SPOP: variants seen among roughly 807,000 people sequenced by gnomAD.
SPOP encodes speckle type BTB/POZ protein.
SPOP carries 11 observed loss-of-function variants against 45.6 expected under a neutral mutation model. The observed-to-expected ratio is 0.24, with a 90% CI of 0.15 to 0.40. SPOP has a LOEUF of 0.40. Ranked by LOEUF, SPOP falls within the 10% of genes least tolerant of loss-of-function variation. The pLI, the probability that SPOP is intolerant of heterozygous loss-of-function variation, is 1.00. For missense variants in SPOP, 152 were observed against 465.6 expected (o/e 0.33, Z 6.20); for synonymous variants, 166 against 166.3 (o/e 1.00, Z 0.01).
At chr17:49,665,649 G>GACACACACACACACAC (rs71352530) in intron 1 of SPOP, among the ~76,000 whole-genome samples, 1,668 of 126,752 alleles carry the variant, frequency 0.013, 37 homozygotes, top group Admixed American at 0.017. Context: ...TATATATACA[G>GACACACACACACACAC]ACACACACAC....
At chr17:49,612,873 T>C (rs2072003421) in intron 5 of SPOP, 1 of 152,182 alleles carries the variant, frequency 6.6e-6, no homozygotes. Context: ...CTTTTAACCT[T>C]CAAGATGCAA....
At chr17:49,611,245 C>T (rs762986233) in intron 6 of SPOP, 35 bp downstream of exon 6, 35 of 1,588,012 alleles carry the variant, frequency 2.2e-5, no homozygotes, top group Non-Finnish European at 3.0e-5. Context: ...CTTATTTCAC[C>T]AAAACTATAA....
intron 5 of SPOP, among the ~76,000 whole-genome samples, chr17:49,613,642 T>A (rs1427332617): frequency 6.6e-6 from 1 of 152,224 alleles, no homozygotes; most frequent in Non-Finnish European, 1.5e-5. Context: ...AAAGAGAATG[T>A]ACCTTTATTG....
rs2073226776 is a variant in SPOP, at chr17:49,677,934, T to A, written c.-68A>T. 2 of 108,006 alleles carry A rather than the reference T, an allele frequency of 1.9e-5. No individual in the cohort carries two copies. Among genetic ancestry groups the A allele is most frequent in the Non-Finnish European group, 1.7e-5 (1 of 60,398 alleles). 6.7% of individuals were successfully genotyped at this position (108,006 alleles called of 1,614,324 possible). A position where few individuals can be genotyped will look rare whatever the true frequency, so the allele number is the denominator to read the frequency against. Reference sequence around the variant, plus strand: ...CTCGACTCTCCTCCCCCCACTCACCTGAGAGCGGCGGCGACAGCTGCTGGT... The same window carrying A: ...CTCGACTCTCCTCCCCCCACTCACCAGAGAGCGGCGGCGACAGCTGCTGGT... On this transcript the variant is annotated splice_region_variant and 5_prime_UTR_variant, in exon 1 of 10. Transcript: ENST00000504102.
chr17:49,616,817 G>A (rs995501109), intron 5 of SPOP, among the ~76,000 whole-genome samples: 2 of 152,216 alleles, frequency 1.3e-5, no homozygotes, highest in Non-Finnish European at 2.9e-5. Flanking sequence ...GAAACCGATG[G>A]CATCAGCAGA....
intron 1 of SPOP, among the ~76,000 whole-genome samples, chr17:49,647,685 T>A (rs1433740218): frequency 2.6e-5 from 4 of 152,162 alleles, no homozygotes; most frequent in African/African-American, 9.7e-5. Context: ...TTCACAGTGT[T>A]GGCCAGGCTG....
At chr17:49,656,938 T>C (rs764193113) in intron 1 of SPOP, among the ~76,000 whole-genome samples, 23 of 152,026 alleles carry the variant, frequency 1.5e-4, no homozygotes, top group Non-Finnish European at 2.5e-4. Flanking sequence ...TCCCAGCACT[T>C]TGGGAGGCCG....
At chr17:49,622,909 T>C in intron 1 of SPOP, 33 bp from the exon 2 acceptor site, 1 of 983,858 alleles carries the variant, frequency 1.0e-6, no homozygotes, top group Non-Finnish European at 1.6e-6. Context: ...AAAACTTTAT[T>C]AGATTATTAA....
chr17:49,677,354 C>T (rs1231766465), intron 1 of SPOP, among the ~76,000 whole-genome samples: 2 of 152,200 alleles, frequency 1.3e-5, no homozygotes, highest in Non-Finnish European at 2.9e-5. Flanking sequence ...GCTGGCTCTG[C>T]GAGGCGTTTG....
intron 5 of SPOP, chr17:49,618,550 C>T (rs1239749200): frequency 2.2e-6 from 1 of 456,706 alleles, no homozygotes; most frequent in Non-Finnish European, 4.4e-6. Context: ...TAGGCCTCAA[C>T]TCTTGATAAG....
chr17:49,643,588 T>C (rs556183612), intron 1 of SPOP, among the ~76,000 whole-genome samples: 1 of 152,244 alleles, frequency 6.6e-6, no homozygotes, highest in East Asian at 1.9e-4. Context: ...AAGAAGAACA[T>C]GAACTGGATT....
intron 1 of SPOP, among the ~76,000 whole-genome samples, chr17:49,657,200 A>C (rs2072925029): frequency 6.6e-6 from 1 of 152,058 alleles, no homozygotes; most frequent in African/African-American, 2.4e-5. Flanking sequence ...TGTCTCAAAA[A>C]AAAAAAAGAA....
chr17:49,605,989 C>G (rs539621159), intron 8 of SPOP, among the ~76,000 whole-genome samples: 47 of 136,166 alleles, frequency 3.5e-4, no homozygotes, highest in African/African-American at 1.2e-3. Context: ...ACTCCCTTCT[C>G]AAAAAAAAAA....
chr17:49,652,463 T>C (rs766540249), intron 1 of SPOP, among the ~76,000 whole-genome samples: 3 of 152,164 alleles, frequency 2.0e-5, no homozygotes, highest in Non-Finnish European at 4.4e-5. Context: ...TTTGTGTGGT[T>C]TGAATAAGGA....
chr17:49,618,146 T>G (rs1012152220), intron 5 of SPOP, among the ~76,000 whole-genome samples: 6 of 152,058 alleles, frequency 3.9e-5, no homozygotes, highest in Non-Finnish European at 8.8e-5. Flanking sequence ...TGATACACTG[T>G]TTATTATTAT....
chr17:49,662,207 C>G (rs977879837), intron 1 of SPOP, among the ~76,000 whole-genome samples: 1 of 151,836 alleles, frequency 6.6e-6, no homozygotes, highest in African/African-American at 2.4e-5. Context: ...TTTTTGCCCC[C>G]CTCAGATTGT....
intron 1 of SPOP, among the ~76,000 whole-genome samples, chr17:49,673,535 T>C (rs1307108188): frequency 1.3e-5 from 2 of 151,932 alleles, no homozygotes; most frequent in African/African-American, 2.4e-5. Context: ...AAAATAAATA[T>C]GCATATACAT....
intron 1 of SPOP, among the ~76,000 whole-genome samples, chr17:49,650,927 A>G (rs2072835446): frequency 6.6e-6 from 1 of 152,246 alleles, no homozygotes. Context: ...ATATCCAGTC[A>G]AATTATTTCA....
At chr17:49,643,602 G>T (rs1008022405) in intron 1 of SPOP, among the ~76,000 whole-genome samples, 1 of 152,200 alleles carries the variant, frequency 6.6e-6, no homozygotes, top group Non-Finnish European at 1.5e-5. Flanking sequence ...CTGGATTGGA[G>T]ATCACTAAAT....
Sources: allele counts gnomAD v4.1 joint callset (sites outside exome capture counted in the v4.1 genomes callset), GRCh38; gene constraint gnomAD v4.1.1; transcripts MANE v1.5; gene names NCBI Gene and HGNC (gene_info 2026-07-23, HGNC 2026-07-21).